Variants in P2RY8 observed in about 807,000 individuals in gnomAD.
The protein encoded by P2RY8 is P2Y receptor family member 8, also known as S-geranylgeranyl-glutathione receptor P2RY8.
In P2RY8, 6 loss-of-function variants were observed where a neutral mutation model predicts 10.0. The observed-to-expected ratio is 0.60, with a 90% CI of 0.33 to 1.19. The LOEUF (loss-of-function observed/expected upper bound fraction) is 1.19. Ranked by LOEUF, P2RY8 falls within the 50% of genes most tolerant of loss-of-function variation. The pLI, the probability that P2RY8 is intolerant of heterozygous loss-of-function variation, is 0.04. For synonymous variants in P2RY8, 276 were observed against 252.5 expected (o/e 1.09, Z -0.88); for missense variants, 456 against 542.0 (o/e 0.84, Z 1.58).
intron 1 of P2RY8, among the ~76,000 whole-genome samples, chrX:1,509,083 C>CTATG (rs1254316679): frequency 5.3e-5 from 7 of 132,750 alleles, no homozygotes; most frequent in East Asian, 2.5e-4. Flanking sequence ...ATCTATGTAT[C>CTATG]TATCTATGTA....
chrX:1,483,781 G>A (rs1422658276), intron 1 of P2RY8, among the ~76,000 whole-genome samples: 2 of 152,000 alleles, frequency 1.3e-5, no homozygotes, highest in African/African-American at 2.4e-5. Context: ...CCCAAAGTTG[G>A]ACTCCCCTAA....
chrX:1,527,934 C>T (rs755869247), intron 1 of P2RY8, among the ~76,000 whole-genome samples: 1 of 152,330 alleles, frequency 6.6e-6, no homozygotes, highest in South Asian at 2.1e-4. Flanking sequence ...ACAGCCCCTA[C>T]AGGGACCCTG....
chrX:1,502,530 C>A (rs1408026066), intron 1 of P2RY8, among the ~76,000 whole-genome samples: 1 of 152,158 alleles, frequency 6.6e-6, no homozygotes, highest in East Asian at 1.9e-4. Context: ...CGTGAGCCGC[C>A]CCTGTCCCTA....
intron 1 of P2RY8, among the ~76,000 whole-genome samples, chrX:1,520,313 T>G (rs2092381644): frequency 6.6e-6 from 1 of 151,176 alleles, no homozygotes; most frequent in South Asian, 2.1e-4. Context: ...ATCTCTAATA[T>G]TGTCTCTAGT....
At chrX:1,513,710 C>G (rs1386569645) in intron 1 of P2RY8, among the ~76,000 whole-genome samples, 1 of 150,880 alleles carries the variant, frequency 6.6e-6, no homozygotes, top group African/African-American at 2.4e-5. Flanking sequence ...CTGGTGGCCA[C>G]TATTCAATCC....
intron 1 of P2RY8, among the ~76,000 whole-genome samples, chrX:1,499,026 G>A (rs1209928486): frequency 6.6e-6 from 1 of 151,680 alleles, no homozygotes; most frequent in African/African-American, 2.4e-5. Flanking sequence ...GTAGAGACAG[G>A]GTTTCACCAT....
chrX:1,507,929 C>A (rs1162185129), intron 1 of P2RY8, among the ~76,000 whole-genome samples: 1 of 152,174 alleles, frequency 6.6e-6, no homozygotes, highest in Non-Finnish European at 1.5e-5. Flanking sequence ...ACACACCCCA[C>A]GTCTTTGCAG....
chrX:1,518,118 AT>A (rs200989980), intron 1 of P2RY8, among the ~76,000 whole-genome samples: 8 of 28,978 alleles, frequency 2.8e-4, no homozygotes, highest in African/African-American at 3.1e-4. Flanking sequence ...TCAAAAAAAA[AT>A]AAAAAAATAA....
chrX:1,495,979 G>A (rs1276402456), intron 1 of P2RY8, among the ~76,000 whole-genome samples: 4 of 151,598 alleles, frequency 2.6e-5, no homozygotes, highest in African/African-American at 9.7e-5. Context: ...CACAAGAGAG[G>A]CCTCAGGAGG....
chrX:1,493,144 C>G (rs1445546285), intron 1 of P2RY8, among the ~76,000 whole-genome samples: 1 of 150,218 alleles, frequency 6.7e-6, no homozygotes, highest in East Asian at 2.0e-4. Context: ...AAAAATTAGC[C>G]GGGCGTTGGG....
At chrX:1,513,141 G>A (rs2092312162) in intron 1 of P2RY8, among the ~76,000 whole-genome samples, 1 of 150,802 alleles carries the variant, frequency 6.6e-6, no homozygotes, top group African/African-American at 2.4e-5. Flanking sequence ...CTGTTCTTGT[G>A]TTAGTTTGCT....
chrX:1,516,898 C>A (rs1262411266), intron 1 of P2RY8, among the ~76,000 whole-genome samples: 3 of 151,712 alleles, frequency 2.0e-5, no homozygotes, highest in Admixed American at 2.0e-4. Flanking sequence ...TTCCAGCCTC[C>A]AGGGCTGTGG....
intron 1 of P2RY8, among the ~76,000 whole-genome samples, chrX:1,517,241 G>A (rs1331220141): frequency 6.6e-6 from 1 of 151,974 alleles, no homozygotes; most frequent in Non-Finnish European, 1.5e-5. Flanking sequence ...GAGGAGATGA[G>A]GGCACAGACA....
chrX:1,467,437 A>C (rs1438003899), intron 1 of P2RY8, among the ~76,000 whole-genome samples: 41 of 152,146 alleles, frequency 2.7e-4, no homozygotes, highest in Admixed American at 1.6e-3. Context: ...ACAGTTATGC[A>C]CGAGTCAGCA....
chrX:1,505,137 CAAAAAAA>C (rs1175803425), intron 1 of P2RY8, among the ~76,000 whole-genome samples: 5 of 99,738 alleles, frequency 5.0e-5, no homozygotes, highest in African/African-American at 2.0e-4. Context: ...GACTCTGTCT[CAAAAAAA>C]AAAAAAAAAG....
At chrX:1,488,905 T>C (rs1167358742) in intron 1 of P2RY8, among the ~76,000 whole-genome samples, 1 of 152,052 alleles carries the variant, frequency 6.6e-6, no homozygotes, top group Non-Finnish European at 1.5e-5. Flanking sequence ...AATGAATGAA[T>C]GATACCCAGG....
chrX:1,534,175 A>T (rs28404353), intron 1 of P2RY8, among the ~76,000 whole-genome samples: 3 of 134,102 alleles, frequency 2.2e-5, no homozygotes, highest in South Asian at 2.1e-4. Context: ...ATTTACATAT[A>T]TTATATATTT....
intron 1 of P2RY8, among the ~76,000 whole-genome samples, chrX:1,498,038 C>T (rs2092134113): frequency 6.6e-6 from 1 of 152,114 alleles, no homozygotes; most frequent in African/African-American, 2.4e-5. Flanking sequence ...CAACTGCTCC[C>T]TGCGAGCTGA....
intron 1 of P2RY8, among the ~76,000 whole-genome samples, chrX:1,524,709 T>TCCATCCATC (rs2092425312): frequency 3.3e-4 from 5 of 15,218 alleles, no homozygotes; most frequent in African/African-American, 9.5e-4. Flanking sequence ...ATCCATCCAC[T>TCCATCCATC]CATCCATTCA....
Sources: allele counts gnomAD v4.1 joint callset (sites outside exome capture counted in the v4.1 genomes callset), GRCh38; gene constraint gnomAD v4.1.1; transcripts MANE v1.5; gene names NCBI Gene and HGNC (gene_info 2026-07-23, HGNC 2026-07-21).